The following TNC variants were observed in gnomAD, a reference collection of about 807,000 sequenced individuals.
The protein encoded by TNC is tenascin C, also known as tenascin.
In TNC, 109 loss-of-function variants were observed where a neutral mutation model predicts 202.4. The ratio of observed to expected loss-of-function variants is 0.54; its 90% CI spans 0.46 to 0.63. The LOEUF is 0.63. Ranked by LOEUF, TNC falls within the 30% of genes least tolerant of loss-of-function variation. TNC has a pLI of 0.00. For missense variants in TNC, 2,756 were observed against 2,833.3 expected (o/e 0.97, Z 0.62); for synonymous variants, 1,007 against 1,089.7 (o/e 0.92, Z 1.50).
rs1830822597 is a variant in TNC at position 115,042,306 on chromosome 9, T to A, written c.5161A>T (p.Ile1721Phe). 6.2e-7 allele frequency: 1 copy of A among 1,614,140 alleles called. No individual in the cohort carries two copies. Residue 1721 changes from isoleucine (I) to phenylalanine (F), a missense_variant, in exon 18 of 28, where the codon ATC becomes TTC. By Grantham distance (21) the Ile-to-Phe change is conservative. This residue lies in a region of TNC where 2,559 missense variants were observed against 2,546.0 expected (regional missense o/e 1.01). Coordinates refer to ENST00000350763, the MANE Select transcript of TNC (RefSeq NM_002160.4). ...GSPKEVIFSDITENSATVSWR... is the reference protein window; with the variant it reads ...GSPKEVIFSDFTENSATVSWR... ...CTGACAGTAGCCGAATTTTCAGTGA[T>A]GTCTGAGAAAATGACTTCCTTTGGG...
At chr9:115,058,455 A>T (rs1232374925) in intron 14 of TNC, among the ~76,000 whole-genome samples, 2 of 152,238 alleles carry the variant, frequency 1.3e-5, no homozygotes, top group Admixed American at 6.5e-5. Context: ...AAGCCACAAG[A>T]TCTGCAGAAA....
intron 10 of TNC, among the ~76,000 whole-genome samples, chr9:115,067,436 G>A (rs1161065762): frequency 1.3e-5 from 2 of 151,936 alleles, no homozygotes; most frequent in East Asian, 1.9e-4. Context: ...TTTTTTCTAC[G>A]GGTGTCTATC....
intron 15 of TNC, among the ~76,000 whole-genome samples, chr9:115,054,580 C>G (rs1380324489): frequency 6.6e-6 from 1 of 152,174 alleles, no homozygotes; most frequent in East Asian, 1.9e-4. Context: ...TTGAGGTCAG[C>G]TTTACCTCCA....
intron 9 of TNC, among the ~76,000 whole-genome samples, 162 bp from the exon 10 acceptor site, chr9:115,074,028 AAAATAGGT>A (rs1833661422): frequency 6.6e-6 from 1 of 152,206 alleles, no homozygotes; most frequent in African/African-American, 2.4e-5. Flanking sequence ...TTACTTTTGT[AAAATAGGT>A]CTAATTATAC....
chr9:115,027,838 C>G (rs1334494852), intron 25 of TNC, among the ~76,000 whole-genome samples: 1 of 152,016 alleles, frequency 6.6e-6, no homozygotes, highest in Non-Finnish European at 1.5e-5. Flanking sequence ...ATTGGTTAGA[C>G]TCCTATGGGC....
chr9:115,089,520 G>A (rs1328842685), intron 2 of TNC, among the ~76,000 whole-genome samples: 1 of 150,534 alleles, frequency 6.6e-6, no homozygotes, highest in Non-Finnish European at 1.5e-5. Context: ...TTTTTTTTCG[G>A]ATGGTGTTTT....
At chr9:115,063,413 C>T (rs982516360) in intron 12 of TNC, among the ~76,000 whole-genome samples, 2 of 152,178 alleles carry the variant, frequency 1.3e-5, no homozygotes, top group African/African-American at 4.8e-5. Flanking sequence ...GAATTGTTCA[C>T]AATTTCTATT....
intron 7 of TNC, 73 bp downstream of exon 7, chr9:115,077,870 C>T: frequency 6.0e-6 from 9 of 1,502,844 alleles, no homozygotes; most frequent in Non-Finnish European, 7.3e-6. Context: ...TGGAAGATAC[C>T]CCAACATGGA....
rs111525043 is a variant in TNC at position 115,087,412 on chromosome 9, G to A, written c.458-139C>T. Reference sequence around the variant, plus strand: ...CCATCTGGCTTGAGAACCATTTGTTGTAGTGTGTGAAATCAGATGAGACTC... The same window carrying A: ...CCATCTGGCTTGAGAACCATTTGTTATAGTGTGTGAAATCAGATGAGACTC... On this transcript the variant is annotated intron_variant, in intron 2 of 27. Transcript: ENST00000350763. 488 of 802,566 alleles carry A rather than the reference G, an allele frequency of 6.1e-4. 4 individuals carry two copies. In the African/African-American group the frequency reaches 7.8e-3, roughly 13 times the overall value. 49.7% of individuals were successfully genotyped at this position (802,566 alleles called of 1,614,324 possible). A position where few individuals can be genotyped will look rare whatever the true frequency, so the allele number is the denominator to read the frequency against.
rs1206261893 is a variant in TNC at position 115,078,032 on chromosome 9, T to A, written c.2585A>T (p.Asn862Ile). ...TEDENQYSIG[N>I]LKPDTEYEVS... ...CTCGTACTCAGTGTCAGGCTTCAGG[T>A]TCCCGATGGAGTACTGGTTCTCGTC... is the stretch of plus-strand genomic sequence containing the variant. Residue 862 changes from asparagine (N) to isoleucine (I), a missense_variant, in exon 7 of 28, where the codon AAC (asparagine) becomes ATC (isoleucine). Asn to Ile is a moderately radical substitution (Grantham distance 149, BLOSUM62 -3). Around this residue, in one of 2 missense-constraint regions of TNC, gnomAD observed 2,559 missense variants for 2,546.0 expected, o/e 1.01. Coordinates refer to ENST00000350763, the MANE Select transcript of TNC (RefSeq NM_002160.4). 6.2e-7 allele frequency: 1 copy of A among 1,614,126 alleles called. No homozygotes were observed. The highest frequency in any genetic ancestry group is 8.5e-7 in the Non-Finnish European group (1 of 1,180,042).
chr9:115,051,455 T>C (rs1037618260), intron 15 of TNC, among the ~76,000 whole-genome samples: 17 of 152,058 alleles, frequency 1.1e-4, no homozygotes, highest in African/African-American at 2.4e-4. Flanking sequence ...CAATCAGTGA[T>C]GGCAATCCTG....
chr9:115,070,950 C>T (rs1276159097), intron 10 of TNC, among the ~76,000 whole-genome samples: 1 of 152,192 alleles, frequency 6.6e-6, no homozygotes, highest in Non-Finnish European at 1.5e-5. Flanking sequence ...AAAGCGTCTT[C>T]CCATTGTAAG....
rs1053417235 is a variant in TNC at position 115,118,047 on chromosome 9, C to G, written c.-202G>C. The G allele has an allele frequency of 2.6e-5, 4 of 152,256 alleles. No homozygotes were observed. The highest frequency in any genetic ancestry group is 9.6e-5 in the African/African-American group (4 of 41,536). 9.4% of individuals were successfully genotyped at this position (152,256 alleles called of 1,614,324 possible). On this transcript the variant is annotated 5_prime_UTR_variant, in exon 1 of 28. Transcript: ENST00000350763. The stretch of plus-strand genomic sequence containing the variant: ...CCTGGAGTGTGGAGCTGCGGCGGTT[C>G]CCACGTGCGCGTTCCCCCGAGTTCC...
intron 23 of TNC, among the ~76,000 whole-genome samples, chr9:115,031,241 C>T (rs1683758526): frequency 6.6e-6 from 1 of 152,184 alleles, no homozygotes. Flanking sequence ...GTCCTGGTGA[C>T]AGAGGATTTA....
rs2131788552 is a variant in TNC at position 115,035,214 on chromosome 9, C to T, written c.5777G>A (p.Gly1926Asp). 2 of 1,611,200 alleles carry T rather than the reference C, an allele frequency of 1.2e-6. No homozygotes were observed. The highest frequency in any genetic ancestry group is 1.7e-6 in the Non-Finnish European group (2 of 1,178,820). The part of the protein sequence containing the change: ...GYLLVYESVD[G>D]TVKEVIVGPD... ...ATATACTTAAAATACCTTGACTGTG[C>T]CATCCACTGATTCATAGACCAGCAG... The change falls in exon 22 of 28, where the codon GGC (glycine) becomes GAC (aspartate). Residue 1926 changes from glycine (G) to aspartate (D), a missense_variant. Physicochemically the swap from Gly to Asp is moderately conservative, Grantham distance 94. This residue lies in a region of TNC where 2,559 missense variants were observed against 2,546.0 expected (regional missense o/e 1.01). Coordinates refer to ENST00000350763, the MANE Select transcript of TNC (RefSeq NM_002160.4).
At chr9:115,107,386 G>A (rs1012780830) in intron 1 of TNC, among the ~76,000 whole-genome samples, 8 of 152,112 alleles carry the variant, frequency 5.3e-5, no homozygotes, top group African/African-American at 1.7e-4. Flanking sequence ...GCTAACCTCT[G>A]CTGGAATATA....
rs1832197014 is a variant in TNC at position 115,057,226 on chromosome 9, A to C, written c.4506T>G (p.Thr1502=). 1.2e-6 allele frequency: 2 copies of C among 1,614,050 alleles called. No homozygotes were observed. The highest frequency in any genetic ancestry group is 2.7e-5 in the African/African-American group (2 of 74,920). ...TAHISGLPPS[T]DFIVYLSGLA... ...GTCCAGAGAGGTAGACAATAAAATCAGTACTAGGGGGTAGCCCTGAGATAT... is the reference window on the plus strand; with the variant it reads ...GTCCAGAGAGGTAGACAATAAAATCCGTACTAGGGGGTAGCCCTGAGATAT... The change falls in exon 15 of 28, where the codon ACT becomes ACG. Residue 1502 remains threonine, a synonymous_variant. Coordinates refer to ENST00000350763, the MANE Select transcript of TNC (RefSeq NM_002160.4).
At chr9:115,053,984 A>C (rs565515304) in intron 15 of TNC, among the ~76,000 whole-genome samples, 1 of 152,314 alleles carries the variant, frequency 6.6e-6, no homozygotes, top group South Asian at 2.1e-4. Flanking sequence ...TTTAATGTTA[A>C]GGGGTCTATA....
chr9:115,036,562 C>T (rs567730769), intron 20 of TNC, among the ~76,000 whole-genome samples: 8 of 152,202 alleles, frequency 5.3e-5, no homozygotes, highest in South Asian at 2.1e-4. Context: ...AGAGGACGGT[C>T]GGAGGGGACA....
Sources: gnomAD v4.1 joint callset for allele counts (sites outside exome capture counted in the v4.1 genomes callset) on GRCh38, gnomAD v4.1.1 for gene constraint, gnomAD v4.1.1 regional missense constraint, MANE v1.5 for transcripts, NCBI Gene and HGNC (gene_info 2026-07-23, HGNC 2026-07-21) for gene names.